MECOM: variants seen among roughly 807,000 people sequenced by gnomAD.
MECOM encodes MDS1 and EVI1 complex locus.
Under a neutral mutation model 116.3 loss-of-function variants are expected in MECOM, and 13 were observed. The observed-to-expected ratio is 0.11, with a 90% CI of 0.07 to 0.18. The LOEUF is 0.18. MECOM is among the 10% of genes least tolerant of loss of function. The pLI is 1.00. For missense variants in MECOM, 1,299 were observed against 1,509.0 expected (o/e 0.86, Z 2.31); for synonymous variants, 528 against 535.2 (o/e 0.99, Z 0.19).
chr3:169,114,454 C>T (rs940849751), intron 8 of MECOM, among the ~76,000 whole-genome samples: 3 of 152,032 alleles, frequency 2.0e-5, no homozygotes, highest in Non-Finnish European at 4.4e-5. Flanking sequence ...GTAATATGAA[C>T]TTGATAAATA....
chr3:169,280,966 T>C (rs1328978803), intron 2 of MECOM, among the ~76,000 whole-genome samples: 1 of 152,196 alleles, frequency 6.6e-6, no homozygotes, highest in Non-Finnish European at 1.5e-5. Context: ...GGTATTATGA[T>C]TGCTCTCCTC....
intron 2 of MECOM, among the ~76,000 whole-genome samples, chr3:169,227,064 A>G (rs1270360394): frequency 6.6e-6 from 1 of 152,132 alleles, no homozygotes; most frequent in Non-Finnish European, 1.5e-5. Flanking sequence ...GTGAAAAAGG[A>G]ATCTTCGGGC....
chr3:169,499,499 A>G (rs186805959), intron 1 of MECOM, among the ~76,000 whole-genome samples: 1 of 151,954 alleles, frequency 6.6e-6, no homozygotes, highest in Admixed American at 6.6e-5. Flanking sequence ...CAGTTGTCAA[A>G]CCATCATTCA....
In MECOM at chr3:169,534,953, C is replaced by T. The variant is rs375008589; in HGVS notation, c.37+128383G>A. On this transcript the variant is annotated intron_variant, in intron 1 of 16. Coordinates refer to ENST00000651503, the MANE Select transcript of MECOM (RefSeq NM_004991.4). ...CATGGGCAACCTCTCCATTTAGTCC[C>T]GAAAGGGAAATGTCGTTGTCCCCAG... 4.6e-5 allele frequency among the ~76,000 whole-genome samples: 7 copies of T among 152,278 alleles called. No homozygotes were observed. In the South Asian group the frequency reaches 6.2e-4, roughly 14 times the overall value.
At chr3:169,441,983 T>C (rs1217882839) in intron 1 of MECOM, among the ~76,000 whole-genome samples, 1 of 152,114 alleles carries the variant, frequency 6.6e-6, no homozygotes, top group Non-Finnish European at 1.5e-5. Flanking sequence ...CGGAGTGCAG[T>C]GGCACAATCT....
intron 2 of MECOM, among the ~76,000 whole-genome samples, chr3:169,293,811 TG>T (rs1715074562): frequency 6.6e-6 from 1 of 152,220 alleles, no homozygotes; most frequent in Non-Finnish European, 1.5e-5. Context: ...ATTGAATCAA[TG>T]ATTTGATACT....
In MECOM at chr3:169,107,989, T is replaced by C. The variant is rs772461103; in HGVS notation, c.2578-37A>G. ...ATTGAAACAAAAACAAAAAATTACTTCTGTGTTGGTATCTTTATTGCAATC... is the reference window on the plus strand; with the variant it reads ...ATTGAAACAAAAACAAAAAATTACTCCTGTGTTGGTATCTTTATTGCAATC... On this transcript the variant is annotated intron_variant, in intron 9 of 16. Transcript: ENST00000651503. 8.2e-6 allele frequency: 13 copies of C among 1,585,504 alleles called. No individual in the cohort carries two copies. The East Asian group carries it at 2.9e-4, about 36-fold the overall frequency.
At chr3:169,451,195 T>G (rs1159175522) in intron 1 of MECOM, among the ~76,000 whole-genome samples, 1 of 152,080 alleles carries the variant, frequency 6.6e-6, no homozygotes, top group Non-Finnish European at 1.5e-5. Flanking sequence ...CCCTATGTAT[T>G]TGGACTGAAA....
At chr3:169,546,497 G>C (rs895235615) in intron 1 of MECOM, among the ~76,000 whole-genome samples, 10 of 152,178 alleles carry the variant, frequency 6.6e-5, no homozygotes, top group African/African-American at 2.4e-4. Context: ...ATTTAAAGTG[G>C]TGAAGTGACT....
intron 1 of MECOM, among the ~76,000 whole-genome samples, chr3:169,485,964 CTATATATACATATATATATAGTA>C (rs1752224570): frequency 3.2e-5 from 3 of 94,392 alleles, no homozygotes; most frequent in South Asian, 5.3e-4. Context: ...TACATATATA[CTATATATACATATATATATAGTA>C]TATATATGTA....
chr3:169,245,557 TA>T (rs1176863937), intron 2 of MECOM, among the ~76,000 whole-genome samples: 3 of 152,170 alleles, frequency 2.0e-5, no homozygotes, highest in Non-Finnish European at 4.4e-5. Context: ...ATAATTTTTT[TA>T]AAAAATTCAT....
chr3:169,552,128 T>G (rs1218912238), intron 1 of MECOM, among the ~76,000 whole-genome samples: 1 of 130,292 alleles, frequency 7.7e-6, no homozygotes, highest in Non-Finnish European at 1.7e-5. Context: ...TATACAACTT[T>G]GTGAATATAC....
chr3:169,588,567 T>C (rs556694518), intron 1 of MECOM, among the ~76,000 whole-genome samples: 3 of 152,174 alleles, frequency 2.0e-5, no homozygotes, highest in Non-Finnish European at 2.9e-5. Flanking sequence ...GTCAGACATA[T>C]GGGAAGACTG....
chr3:169,496,421 C>T (rs1424599418), intron 1 of MECOM, among the ~76,000 whole-genome samples: 1 of 152,312 alleles, frequency 6.6e-6, no homozygotes, highest in Admixed American at 6.5e-5. Flanking sequence ...TCTAAAACTG[C>T]CTCATTTTTT....
At chr3:169,659,439 G>GTTTT (rs1775962837) in intron 1 of MECOM, among the ~76,000 whole-genome samples, 3 of 54,066 alleles carry the variant, frequency 5.5e-5, no homozygotes, top group Admixed American at 2.2e-4. Context: ...CCTAAACACA[G>GTTTT]ATTTTTTTTT....
At chr3:169,361,681 A>C (rs973409905) in intron 2 of MECOM, among the ~76,000 whole-genome samples, 2 of 151,908 alleles carry the variant, frequency 1.3e-5, no homozygotes, top group African/African-American at 2.4e-5. Flanking sequence ...TAAGGTCACA[A>C]AGCTAGTCAG....
At chr3:169,591,395 C>G (rs1479853463) in intron 1 of MECOM, among the ~76,000 whole-genome samples, 1 of 152,138 alleles carries the variant, frequency 6.6e-6, no homozygotes, top group Admixed American at 6.5e-5. Context: ...ATTTTGTAGG[C>G]TGTGGACGGA....
At chr3:169,220,497 T>A (rs1751986551) in intron 2 of MECOM, among the ~76,000 whole-genome samples, 1 of 151,994 alleles carries the variant, frequency 6.6e-6, no homozygotes, top group Admixed American at 6.6e-5. Flanking sequence ...TTTTTTGAGA[T>A]GGAGTCTCCC....
At chr3:169,409,848 C>T (rs1015428078) in intron 1 of MECOM, among the ~76,000 whole-genome samples, 1 of 152,184 alleles carries the variant, frequency 6.6e-6, no homozygotes, top group Non-Finnish European at 1.5e-5. Flanking sequence ...ATAATTTTAA[C>T]ACTACTGAGA....
Sources: gnomAD v4.1 joint callset for allele counts (sites outside exome capture counted in the v4.1 genomes callset) on GRCh38, gnomAD v4.1.1 for gene constraint, MANE v1.5 for transcripts, NCBI Gene and HGNC (gene_info 2026-07-23, HGNC 2026-07-21) for gene names.